HMCN1: variants seen among roughly 807,000 people sequenced by gnomAD.
The protein encoded by HMCN1 is hemicentin-1.
In HMCN1, 321 loss-of-function variants were observed where a neutral mutation model predicts 625.9. The ratio of observed to expected loss-of-function variants is 0.51; its 90% CI spans 0.47 to 0.56. The LOEUF (loss-of-function observed/expected upper bound fraction) is 0.56. Ranked by LOEUF, HMCN1 falls within the 20% of genes least tolerant of loss-of-function variation. HMCN1 has a pLI of 0.00. For missense variants in HMCN1, 6,588 were observed against 6,887.3 expected (o/e 0.96, Z 1.54); for synonymous variants, 2,425 against 2,417.6 (o/e 1.00, Z -0.09).
At chr1:186,175,152 GTTGCCTGT>G (rs1187222084) in intron 103 of HMCN1, among the ~76,000 whole-genome samples, 1 of 152,094 alleles carries the variant, frequency 6.6e-6, no homozygotes, top group East Asian at 1.9e-4. Flanking sequence ...TTTCTCCCCA[GTTGCCTGT>G]TTGTTTTCAT....
rs1650196834 is a variant in HMCN1, at chr1:186,144,620, C to T, written c.14183C>T (p.Ser4728Phe). ...GCCAGACAGAGAACAAGGGGCTGCT[C>T]CGACCCTGTGCCCCAGTATGGAGGA... ...GGARQRTRGC[S>F]DPVPQYGGRK... The change falls in exon 91 of 107, where the codon TCC becomes TTC. Residue 4728 changes from serine to phenylalanine, a missense_variant. By Grantham distance (155) the Ser-to-Phe change is radical. Coordinates refer to ENST00000271588, the MANE Select transcript of HMCN1 (RefSeq NM_031935.3). 1 of 1,614,062 alleles carries T rather than the reference C, an allele frequency of 6.2e-7. No individual in the cohort carries two copies. The highest frequency in any genetic ancestry group is 2.2e-5 in the East Asian group (1 of 44,864).
intron 1 of HMCN1, among the ~76,000 whole-genome samples, chr1:185,794,601 A>ATTTT (rs34098989): frequency 2.5e-4 from 28 of 111,194 alleles, no homozygotes; most frequent in African/African-American, 7.4e-4. Context: ...GTCTTTACAC[A>ATTTT]TTTTTTTTTT....
chr1:186,056,955 C>T (rs902028746), intron 45 of HMCN1, among the ~76,000 whole-genome samples: 5 of 151,096 alleles, frequency 3.3e-5, no homozygotes, highest in Non-Finnish European at 7.4e-5. Context: ...CATCACTCAC[C>T]ACTATTGGAA....
In HMCN1 at chr1:186,190,543, TAAA is replaced by T; in HGVS notation, c.*669_*671del. The T allele has an allele frequency of 4.9e-6, 1 of 202,326 alleles. No individual in the cohort carries two copies. Among genetic ancestry groups the T allele is most frequent in the Non-Finnish European group, 1.0e-5 (1 of 98,280 alleles). The allele number at this position is 202,326 out of a possible 1,614,324, so 12.5% of individuals were successfully genotyped here. ...GCTGAACCACTTATGATAATAATAA[TAAA>T]AAAGACTGCTTTGCCCTCACGTCAG... On this transcript the variant is annotated 3_prime_UTR_variant, in exon 107 of 107. Coordinates refer to ENST00000271588, the MANE Select transcript of HMCN1 (RefSeq NM_031935.3).
intron 11 of HMCN1, among the ~76,000 whole-genome samples, chr1:185,942,178 G>A (rs1450005226): frequency 1.5e-5 from 2 of 136,124 alleles, no homozygotes; most frequent in East Asian, 4.3e-4. Flanking sequence ...GCCACAGAGT[G>A]AGACTCCATC....
Position 186,016,109 on chromosome 1 carries a change from T to C in HMCN1, c.5061T>C (p.Asn1687=). The change falls in exon 32 of 107, where the codon AAT becomes AAC. Residue 1687 remains asparagine (N), a synonymous_variant. Coordinates refer to ENST00000271588, the MANE Select transcript of HMCN1 (RefSeq NM_031935.3). ...KDGVPVKAND[N]IRIEAGGKKL... is the part of the protein sequence containing the mutation. ...GTGTACCTGTGAAAGCTAATGACAA[T>C]ATCCGCATAGAAGCTGGTGGGAAGA... The C allele has an allele frequency of 1.2e-6, 2 of 1,613,466 alleles. No homozygotes were observed. The highest frequency in any genetic ancestry group is 2.2e-5 in the South Asian group (2 of 91,066).
At chr1:185,986,270 G>T (rs1166062482) in intron 19 of HMCN1, among the ~76,000 whole-genome samples, 2 of 152,032 alleles carry the variant, frequency 1.3e-5, no homozygotes, top group African/African-American at 4.8e-5. Context: ...TTGCACTGAG[G>T]TTTCTGGTGT....
chr1:186,166,485 T>C (rs529489741), intron 99 of HMCN1, among the ~76,000 whole-genome samples, 182 bp downstream of exon 99: 1 of 152,332 alleles, frequency 6.6e-6, no homozygotes, highest in South Asian at 2.1e-4. Context: ...ATGCACTGCC[T>C]GCATGTGGGG....
At chr1:185,860,287 A>G (rs1662784437) in intron 2 of HMCN1, among the ~76,000 whole-genome samples, 1 of 152,288 alleles carries the variant, frequency 6.6e-6, no homozygotes, top group Admixed American at 6.5e-5. Flanking sequence ...TGATTACAAT[A>G]TAATCTGTGT....
chr1:185,951,025 G>A (rs1668633116), intron 11 of HMCN1, among the ~76,000 whole-genome samples: 1 of 151,100 alleles, frequency 6.6e-6, no homozygotes, highest in African/African-American at 2.5e-5. Context: ...TTTAAAGCGT[G>A]CTGCGGGATG....
chr1:185,914,984 G>T (rs1431200824), intron 6 of HMCN1, among the ~76,000 whole-genome samples: 2 of 152,028 alleles, frequency 1.3e-5, no homozygotes, highest in Non-Finnish European at 2.9e-5. Context: ...TTAGCCTGTA[G>T]TGGAGGTGCT....
intron 52 of HMCN1, among the ~76,000 whole-genome samples, chr1:186,074,240 T>C (rs748493645): frequency 1.3e-5 from 2 of 152,036 alleles, no homozygotes; most frequent in Non-Finnish European, 2.9e-5. Context: ...TAAAACATAA[T>C]ATAAATATCT....
intron 1 of HMCN1, among the ~76,000 whole-genome samples, chr1:185,807,914 A>G (rs1182534088): frequency 6.6e-6 from 1 of 152,170 alleles, no homozygotes; most frequent in African/African-American, 2.4e-5. Flanking sequence ...TCTTTTTGAA[A>G]TATTTAAGGT....
At position 186,097,813 on chromosome 1, in the gene HMCN1, G is replaced by T. The variant is rs117735070; in HGVS notation, c.10573+2292G>T. Among the ~76,000 whole-genome samples, 307 of 152,132 alleles carry T rather than the reference G, an allele frequency of 2.0e-3. 11 individuals carry two copies. In the South Asian group the frequency reaches 0.041, roughly 20 times the overall value. On this transcript the variant is annotated intron_variant, in intron 68 of 106. Coordinates refer to ENST00000271588, the MANE Select transcript of HMCN1 (RefSeq NM_031935.3). ...CCTGACTTAAAAATACTACAAAGCTGTATTAATCAAAACAGCATGCTATTG... is the reference window on the plus strand; with the variant it reads ...CCTGACTTAAAAATACTACAAAGCTTTATTAATCAAAACAGCATGCTATTG...
chr1:185,804,308 T>G (rs1305175982), intron 1 of HMCN1, among the ~76,000 whole-genome samples: 1 of 152,136 alleles, frequency 6.6e-6, no homozygotes, highest in African/African-American at 2.4e-5. Context: ...AAACATTGAC[T>G]GCTTTGCACA....
intron 22 of HMCN1, among the ~76,000 whole-genome samples, 179 bp from the exon 23 acceptor site, chr1:185,993,003 T>A (rs1312526372): frequency 6.6e-6 from 1 of 152,132 alleles, no homozygotes; most frequent in Non-Finnish European, 1.5e-5. Flanking sequence ...TGCAGGAAAA[T>A]CATACACAAG....
intron 99 of HMCN1, 54 bp from the exon 100 acceptor site, chr1:186,166,754 C>G (rs1023983920): frequency 1.2e-6 from 2 of 1,613,420 alleles, no homozygotes; most frequent in Admixed American, 1.7e-5. Context: ...ACCGCAGGTT[C>G]TTGGGCTGGG....
chr1:185,799,019 T>A (rs1658599663), intron 1 of HMCN1, among the ~76,000 whole-genome samples: 1 of 152,214 alleles, frequency 6.6e-6, no homozygotes, highest in Non-Finnish European at 1.5e-5. Context: ...TGGAATTTAA[T>A]TTCATTTGGA....
In HMCN1 at chr1:185,984,207, G is replaced by A; in HGVS notation, c.2829G>A (p.Gly943=). The change falls in exon 19 of 107, where the codon GGG becomes GGA. Residue 943 remains glycine, a synonymous_variant. Transcript: ENST00000271588. ...CTTACATCACTGTGCGCAGTGATGG[G>A]AGCCTCCATATTGAAAGAGTTCAGC... The part of the protein sequence containing the change: ...QNPYITVRSD[G]SLHIERVQLQ... 6.2e-7 allele frequency: 1 copy of A among 1,613,208 alleles called. No homozygotes were observed.
Sources: gnomAD v4.1 joint callset for allele counts (sites outside exome capture counted in the v4.1 genomes callset) on GRCh38, gnomAD v4.1.1 for gene constraint, MANE v1.5 for transcripts, NCBI Gene and HGNC (gene_info 2026-07-23, HGNC 2026-07-21) for gene names.